HMGB3: variants seen among roughly 807,000 people sequenced by gnomAD.
HMGB3 encodes high mobility group protein B3.
A neutral mutation model predicts 12.9 loss-of-function variants in HMGB3; 1 was observed. The ratio of observed to expected loss-of-function variants is 0.08; its 90% CI spans 0.03 to 0.37. The LOEUF (loss-of-function observed/expected upper bound fraction) is 0.37, where lower values mean the gene tolerates loss of function less well. HMGB3 is among the 10% of genes least tolerant of loss of function. The pLI, the probability that HMGB3 is intolerant of heterozygous loss-of-function variation, is 0.99. For synonymous variants in HMGB3, 61 were observed against 53.9 expected (o/e 1.13, Z -0.57); for missense variants, 74 against 153.3 (o/e 0.48, Z 2.73).
At chrX:150,985,852 T>C in intron 2 of HMGB3, 103 bp downstream of exon 2, 1 of 861,316 alleles carries the variant, frequency 1.2e-6, no homozygotes, top group Non-Finnish European at 1.6e-6. Context: ...CTTCCTCTTT[T>C]ACTTTTACTT....
chrX:150,987,977 C>T lies in HMGB3; in HGVS notation c.*63C>T, dbSNP rs2048072297. 1.8e-6 allele frequency: 2 copies of T among 1,133,662 alleles called. No individual in the cohort carries two copies. The highest frequency in any genetic ancestry group is 1.8e-5 in the African/African-American group (1 of 55,752). The allele number at this position is 1,133,662 out of a possible 1,213,427, so 93.4% of individuals were successfully genotyped here. On this transcript the variant is annotated 3_prime_UTR_variant, in exon 5 of 5. Transcript: ENST00000325307. ...TAGGGGAGCGCCGTAATTGACACATCTCTTATTTGAGAAGTGTCTGTTGCC... is the reference window on the plus strand; with the variant it reads ...TAGGGGAGCGCCGTAATTGACACATTTCTTATTTGAGAAGTGTCTGTTGCC...
chrX:150,983,471 C>T, intron 1 of HMGB3, 95 bp downstream of exon 1: 1 of 747,259 alleles, frequency 1.3e-6, no homozygotes, highest in Non-Finnish European at 1.6e-6. Context: ...GCACAACTTT[C>T]CGGCCCGCGC....
rs782053922 is a variant in HMGB3 at position 150,987,335 on chromosome X, C to CAGTG, written c.465+35_465+36insTGAG. ...GGGGCTGGAAGCCTGGACTGGTGAACAGGCAGTGGTTCTGCTATCAGTAGG... is the reference window on the plus strand; with the variant it reads ...GGGGCTGGAAGCCTGGACTGGTGAACAGTGAGGCAGTGGTTCTGCTATCAGTAGG... On this transcript the variant is annotated intron_variant, in intron 4 of 4. Transcript: ENST00000325307. 2.9e-5 allele frequency: 33 copies of CAGTG among 1,142,627 alleles called. No homozygotes were observed. In the African/African-American group the frequency reaches 5.3e-4, roughly 18 times the overall value. 94.2% of individuals were successfully genotyped at this position (1,142,627 alleles called of 1,213,427 possible). A position where few individuals can be genotyped will look rare whatever the true frequency, so the allele number is the denominator to read the frequency against.
In HMGB3 at chrX:150,987,865, A is replaced by AGG. The variant is rs2048069739; in HGVS notation, c.554_555insGG (p.Glu187LysfsTer29). On this transcript the variant is annotated frameshift_variant, in exon 5 of 5. Coordinates refer to ENST00000325307, the MANE Select transcript of HMGB3 (RefSeq NM_005342.4). LOFTEE classifies it high-confidence loss of function. ...CGGAAAAAGGTGGAAGAGGAAGATG[A>AGG]AGAAGAGGAGGAGGAAGAAGAGGAG... 8.4e-7 allele frequency: 1 copy of AGG among 1,194,691 alleles called. No homozygotes were observed. The highest frequency in any genetic ancestry group is 1.1e-6 in the Non-Finnish European group (1 of 888,054).
At chrX:150,981,185 C>T (rs782011541), upstream of HMGB3, among the ~76,000 whole-genome samples, 2 of 109,661 alleles carry the variant, frequency 1.8e-5, no homozygotes, top group East Asian at 5.8e-4. Context: ...GGAGAAAAGG[C>T]CTGGCCTGCC....
At chrX:150,985,919 C>G (rs782308665) in intron 2 of HMGB3, 132 bp from the exon 3 acceptor site, 17 of 817,100 alleles carry the variant, frequency 2.1e-5, no homozygotes, top group Admixed American at 6.2e-5. Context: ...TTTTTTAAGG[C>G]CCTGCACAGG....
chrX:150,983,799 G>A (rs1179672854), intron 1 of HMGB3, among the ~76,000 whole-genome samples: 1 of 106,855 alleles, frequency 9.4e-6, no homozygotes, highest in East Asian at 3.0e-4. Flanking sequence ...CAGCGGGAAG[G>A]GGGCCGGGAG....
rs975661185 is a variant in HMGB3 at position 150,985,973 on chromosome X, C to G, written c.151-78C>G. The G allele has an allele frequency of 7.4e-6, 8 of 1,082,465 alleles. No individual in the cohort carries two copies. The Middle Eastern group carries it at 1.1e-3, about 145-fold the overall frequency. The allele number at this position is 1,082,465 out of a possible 1,213,427, so 89.2% of individuals were successfully genotyped here. ...CCCCTTTTGCAAGTGGTTCTAGCAACTGCTAGTTTAATCACAAGAAACTGA... is the reference window on the plus strand; with the variant it reads ...CCCCTTTTGCAAGTGGTTCTAGCAAGTGCTAGTTTAATCACAAGAAACTGA... On this transcript the variant is annotated intron_variant, in intron 2 of 4. Coordinates refer to ENST00000325307, the MANE Select transcript of HMGB3 (RefSeq NM_005342.4).
chrX:150,990,208 C>T lies in HMGB3; in HGVS notation c.*2294C>T, dbSNP rs1557425358. ...TTTGTTAAGTGGTGCGCGTCTATCT[C>T]ATAACTAGATGTACCAACCAGGGAA... On this transcript the variant is annotated 3_prime_UTR_variant, in exon 5 of 5. Transcript: ENST00000325307. The T allele has an allele frequency of 8.9e-6, 1 of 112,046 alleles. No individual in the cohort carries two copies. Among genetic ancestry groups the T allele is most frequent in the African/African-American group, 3.2e-5 (1 of 30,838 alleles). 9.2% of individuals were successfully genotyped at this position (112,046 alleles called of 1,213,427 possible). A position where few individuals can be genotyped will look rare whatever the true frequency, so the allele number is the denominator to read the frequency against.
Position 150,987,803 on chromosome X carries a change from A to T in HMGB3, c.492A>T (p.Gly164=). Residue 164 remains glycine (G), a synonymous_variant, in exon 5 of 5, where the codon GGA becomes GGT. Coordinates refer to ENST00000325307, the MANE Select transcript of HMGB3 (RefSeq NM_005342.4). ...EKDVADYKSK[G]KFDGAKGPAK... is the part of the protein sequence containing the mutation. ...ATGTTGCTGACTATAAGTCGAAAGG[A>T]AAGTTTGATGGTGCAAAGGGTCCTG... 8.3e-7 allele frequency: 1 copy of T among 1,207,346 alleles called. No homozygotes were observed. Among genetic ancestry groups the T allele is most frequent in the Non-Finnish European group, 1.1e-6 (1 of 894,086 alleles).
upstream of HMGB3, among the ~76,000 whole-genome samples, chrX:150,982,478 T>C (rs782091260): frequency 8.9e-6 from 1 of 112,586 alleles, no homozygotes; most frequent in South Asian, 3.7e-4. Flanking sequence ...AAGCTTTAAT[T>C]CTTTGCTCTA....
chrX:150,981,475 CTT>C (rs34415347), upstream of HMGB3, among the ~76,000 whole-genome samples: 24,659 of 86,640 alleles, frequency 0.28, 2,839 homozygotes, highest in South Asian at 0.45. Flanking sequence ...CTATCTCTGC[CTT>C]TTTTTTTTTT....
At chrX:150,985,949 C>A in intron 2 of HMGB3, 102 bp from the exon 3 acceptor site, 1 of 942,283 alleles carries the variant, frequency 1.1e-6, no homozygotes, top group Non-Finnish European at 1.5e-6. Context: ...TTTACCTACC[C>A]CCTTTTGCAA....
upstream of HMGB3, among the ~76,000 whole-genome samples, chrX:150,982,898 G>C (rs1557425116): frequency 8.8e-6 from 1 of 113,289 alleles, no homozygotes; most frequent in Non-Finnish European, 1.9e-5. Flanking sequence ...GGGCCCAGGG[G>C]TGTTTCCCCG....
chrX:150,982,668 C>G (rs1557425108), upstream of HMGB3, among the ~76,000 whole-genome samples: 1 of 113,389 alleles, frequency 8.8e-6, no homozygotes, highest in Admixed American at 9.3e-5. Flanking sequence ...AAATAAAGAC[C>G]TTCTGGCATT....
upstream of HMGB3, among the ~76,000 whole-genome samples, chrX:150,981,540 G>A (rs972713969): frequency 1.5e-4 from 16 of 106,380 alleles, no homozygotes; most frequent in Admixed American, 6.1e-4. Context: ...CATGATCTTG[G>A]CTCACTGCAA....
intron 1 of HMGB3, 98 bp from the exon 2 acceptor site, chrX:150,985,492 AAGTGT>A (rs2048042993): frequency 1.8e-6 from 1 of 562,059 alleles, no homozygotes; most frequent in African/African-American, 2.3e-5. Flanking sequence ...TCCTAACAGC[AAGTGT>A]AGTTTTAGTT....
At chrX:150,983,403 CGCCG>C (rs2048008041) in intron 1 of HMGB3, 27 bp downstream of exon 1, 1 of 8,131 alleles carries the variant, frequency 1.2e-4, no homozygotes, top group Non-Finnish European at 1.6e-4. Context: ...CCGCTCCCGC[CGCCG>C]CCGCCGCCGC....
chrX:150,990,068 A>C lies in HMGB3; in HGVS notation c.*2154A>C, dbSNP rs1157584636. On this transcript the variant is annotated 3_prime_UTR_variant, in exon 5 of 5. Coordinates refer to ENST00000325307, the MANE Select transcript of HMGB3 (RefSeq NM_005342.4). ...TTCAGCCATGTCCTTGTCACTTGGC[A>C]TTCTAAGCTAAAGCTTTAGCTTCCC... 1 of 112,477 alleles carries C rather than the reference A, an allele frequency of 8.9e-6. No homozygotes were observed. The highest frequency in any genetic ancestry group is 1.9e-5 in the Non-Finnish European group (1 of 53,381). The allele number at this position is 112,477 out of a possible 1,213,427, so 9.3% of individuals were successfully genotyped here.
Sources: allele counts gnomAD v4.1 joint callset (sites outside exome capture counted in the v4.1 genomes callset), GRCh38; gene constraint gnomAD v4.1.1; transcripts MANE v1.5; gene names NCBI Gene and HGNC (gene_info 2026-07-23, HGNC 2026-07-21).